Variants in ADAMTS2 observed in about 807,000 individuals in gnomAD.
ADAMTS2 encodes A disintegrin and metalloproteinase with thrombospondin motifs 2.
ADAMTS2 carries 50 observed loss-of-function variants against 123.0 expected under a neutral mutation model. The ratio of observed to expected loss-of-function variants is 0.41; its 90% CI spans 0.32 to 0.51. The LOEUF is 0.51. Ranked by LOEUF, ADAMTS2 falls within the 20% of genes least tolerant of loss-of-function variation. The probability of loss-of-function intolerance (pLI) is 0.35; values close to 1 mark genes in which losing one functional copy is unlikely to be tolerated. For synonymous variants in ADAMTS2, 678 were observed against 695.4 expected, an observed-to-expected ratio of 0.98 and a Z score of 0.39; for missense variants, 1,494 against 1,705.2, an observed-to-expected ratio of 0.88 and a Z score of 2.18.
intron 2 of ADAMTS2, among the ~76,000 whole-genome samples, chr5:179,315,038 A>ACCCCC: frequency 1.0e-5 from 1 of 95,932 alleles, no homozygotes. Flanking sequence ...TCCTACACCC[A>ACCCCC]CCCCCCCCAC....
At chr5:179,265,175 G>A (rs388856) in intron 3 of ADAMTS2, among the ~76,000 whole-genome samples, 4 of 152,342 alleles carry the variant, frequency 2.6e-5, no homozygotes, top group Admixed American at 6.5e-5. Context: ...CCCTGCACTC[G>A]AGTTGGGGCT....
At chr5:179,299,333 T>C (rs1430740510) in intron 2 of ADAMTS2, among the ~76,000 whole-genome samples, 5 of 68,222 alleles carry the variant, frequency 7.3e-5, no homozygotes, top group East Asian at 8.2e-4. Context: ...ATGGAGACCA[T>C]CCTGGCTAAC....
chr5:179,168,777 C>T (rs1763761372), intron 5 of ADAMTS2, among the ~76,000 whole-genome samples: 1 of 152,174 alleles, frequency 6.6e-6, no homozygotes, highest in South Asian at 2.1e-4. Context: ...ACCGTGCCCC[C>T]CAGCTGAGTG....
chr5:179,275,364 G>A lies in ADAMTS2; in HGVS notation c.535-2300C>T, dbSNP rs765503395. ...AGGGTAGAGCCGGCTGAGATGGGAG[G>A]GAGGAGGAAGCACCTGGTGGGCTTC... On this transcript the variant is annotated intron_variant, in intron 2 of 21. Transcript: ENST00000251582. Among the ~76,000 whole-genome samples the A allele has an allele frequency of 5.3e-5, 8 of 152,082 alleles. 1 individual carries two copies. Among genetic ancestry groups the A allele is most frequent in the South Asian group, 4.1e-4 (2 of 4,826 alleles).
intron 4 of ADAMTS2, among the ~76,000 whole-genome samples, chr5:179,191,619 G>A (rs1207390237): frequency 1.5e-5 from 2 of 134,880 alleles, no homozygotes; most frequent in African/African-American, 5.4e-5. Context: ...GGGGGAGGGG[G>A]CAGCAAGCAG....
In ADAMTS2 at chr5:179,234,899, C is replaced by T. The variant is rs942169598; in HGVS notation, c.689-27184G>A. On this transcript the variant is annotated intron_variant, in intron 3 of 21. Coordinates refer to ENST00000251582, the MANE Select transcript of ADAMTS2 (RefSeq NM_014244.5). The surrounding 1 kb of genome is among the most constrained non-coding windows in gnomAD (Gnocchi z 4.7). ...TCCCTCTTCCCAAGCCTAGCAGACC[C>T]GTGCGGGAGTGCGAGCACACTGGCT... 5.9e-5 allele frequency among the ~76,000 whole-genome samples: 9 copies of T among 152,214 alleles called. No homozygotes were observed. The highest frequency in any genetic ancestry group is 1.9e-4 in the African/African-American group (8 of 41,462).
At position 179,175,607 on chromosome 5, in the gene ADAMTS2, A is replaced by C. The variant is rs1287441774; in HGVS notation, c.975+5465T>G. On this transcript the variant is annotated intron_variant, in intron 5 of 21. Coordinates refer to ENST00000251582, the MANE Select transcript of ADAMTS2 (RefSeq NM_014244.5). This position sits in a 1 kb window ranked among gnomAD's most constrained non-coding sequence, Gnocchi z 4.1. ...CAAGGCTGTTGTTTTTGGTTCACAC[A>C]GAAGCTACTGATTTTTTAAACAATG... is the stretch of plus-strand genomic sequence containing the variant. Among the ~76,000 whole-genome samples, 1 of 152,174 alleles carries C rather than the reference A, an allele frequency of 6.6e-6. No homozygotes were observed. Among genetic ancestry groups the C allele is most frequent in the Non-Finnish European group, 1.5e-5 (1 of 68,034 alleles).
chr5:179,319,087 T>C (rs978729607), intron 2 of ADAMTS2, among the ~76,000 whole-genome samples: 3 of 152,064 alleles, frequency 2.0e-5, no homozygotes, highest in African/African-American at 4.8e-5. Flanking sequence ...TGTGCACTCA[T>C]GCACTCCCAC....
intron 2 of ADAMTS2, among the ~76,000 whole-genome samples, chr5:179,284,413 G>A (rs1407066920): frequency 6.6e-6 from 1 of 151,976 alleles, no homozygotes; most frequent in Non-Finnish European, 1.5e-5. Flanking sequence ...ACAGTGTCTT[G>A]TTCTGTCACC....
chr5:179,173,842 T>A lies in ADAMTS2; in HGVS notation c.975+7230A>T, dbSNP rs376022405. 3.9e-4 allele frequency among the ~76,000 whole-genome samples: 60 copies of A among 152,152 alleles called. No homozygotes were observed. The South Asian group carries it at 0.012, about 29-fold the overall frequency. ...GCCTGGCCAACCTGGTGAAACCCCA[T>A]CTCTACTAAAAATACAAAAAATTAG... On this transcript the variant is annotated intron_variant, in intron 5 of 21. Coordinates refer to ENST00000251582, the MANE Select transcript of ADAMTS2 (RefSeq NM_014244.5).
At chr5:179,337,430 C>T (rs999364795) in intron 2 of ADAMTS2, among the ~76,000 whole-genome samples, 12 of 152,222 alleles carry the variant, frequency 7.9e-5, no homozygotes, top group Admixed American at 7.9e-4. Flanking sequence ...TGCACCCCCA[C>T]ACGCACACTG....
chr5:179,318,281 A>C (rs1757057309), intron 2 of ADAMTS2, among the ~76,000 whole-genome samples: 1 of 152,250 alleles, frequency 6.6e-6, no homozygotes, highest in Non-Finnish European at 1.5e-5. Context: ...CTGCGATGCG[A>C]GAGTATTAAT....
At chr5:179,243,974 G>A (rs78166651) in intron 3 of ADAMTS2, among the ~76,000 whole-genome samples, 5,575 of 152,118 alleles carry the variant, frequency 0.037, 137 homozygotes, top group Non-Finnish European at 0.059. Context: ...GCAATTTGAA[G>A]GACACAGGGA....
chr5:179,199,977 G>T (rs1399435793), intron 4 of ADAMTS2, among the ~76,000 whole-genome samples: 2 of 152,184 alleles, frequency 1.3e-5, no homozygotes, highest in African/African-American at 4.8e-5. Context: ...TTGAGAGACA[G>T]AGAGACAGAG....
intron 10 of ADAMTS2, among the ~76,000 whole-genome samples, chr5:179,150,196 C>A (rs1378506424): frequency 6.6e-6 from 1 of 152,222 alleles, no homozygotes; most frequent in Non-Finnish European, 1.5e-5. Context: ...CTGCCTCCTC[C>A]CTGCCTGGGG....
At chr5:179,342,985 CGCTGCCCCCAAAAGATCGA>C (rs373240336) in intron 2 of ADAMTS2, among the ~76,000 whole-genome samples, 1,610 of 152,328 alleles carry the variant, frequency 0.011, 10 homozygotes, top group Non-Finnish European at 0.018. Flanking sequence ...GTCCTTCAGG[CGCTGCCCCCAAAAGATCGA>C]GCAGCTCATG....
intron 3 of ADAMTS2, among the ~76,000 whole-genome samples, chr5:179,253,940 C>A (rs565886858): frequency 6.6e-5 from 10 of 152,308 alleles, no homozygotes; most frequent in Admixed American, 5.2e-4. Flanking sequence ...CTGCTGTGTC[C>A]TGCACTACTC....
Position 179,130,474 on chromosome 5 carries a change from C to T in ADAMTS2, c.2291-376G>A, listed in dbSNP as rs1431756514. On this transcript the variant is annotated intron_variant, in intron 15 of 21. Transcript: ENST00000251582. This position sits in a 1 kb window ranked among gnomAD's most constrained non-coding sequence, Gnocchi z 4.3. ...GGAGGGGTCTGTACGCGGTGCAGGG[C>T]ATCTGCTGGACAGGCGAGCACATGA... 1.3e-5 allele frequency among the ~76,000 whole-genome samples: 2 copies of T among 152,226 alleles called. No homozygotes were observed. Among genetic ancestry groups the T allele is most frequent in the Non-Finnish European group, 2.9e-5 (2 of 68,040 alleles).
At chr5:179,269,507 C>T (rs900206472) in intron 3 of ADAMTS2, among the ~76,000 whole-genome samples, 1 of 152,152 alleles carries the variant, frequency 6.6e-6, no homozygotes, top group Non-Finnish European at 1.5e-5. Flanking sequence ...ACCCTCAGAT[C>T]TCGTGAGACC....
Sources: allele counts gnomAD v4.1 joint callset (sites outside exome capture counted in the v4.1 genomes callset), GRCh38; gene constraint gnomAD v4.1.1; non-coding constraint Gnocchi (gnomAD v3.1); transcripts MANE v1.5; gene names NCBI Gene and HGNC (gene_info 2026-07-23, HGNC 2026-07-21).